Variants in ITSN1 observed in about 807,000 individuals in gnomAD.
The protein encoded by ITSN1 is intersectin 1.
A neutral mutation model predicts 239.8 loss-of-function variants in ITSN1; 58 were observed. That is an observed-to-expected ratio of 0.24 (90% confidence interval 0.20 to 0.30). The LOEUF (loss-of-function observed/expected upper bound fraction) is 0.30, where lower values mean the gene tolerates loss of function less well. Among genes scored for constraint, ITSN1 ranks in the 10% least tolerant of loss-of-function variants. The pLI, the probability that ITSN1 is intolerant of heterozygous loss-of-function variation, is 1.00. For synonymous variants in ITSN1, 780 were observed against 770.8 expected (o/e 1.01, Z -0.20); for missense variants, 1,558 against 2,103.3 (o/e 0.74, Z 5.07).
chr21:33,682,939 C>T (rs573725658), intron 1 of ITSN1, among the ~76,000 whole-genome samples: 7 of 152,194 alleles, frequency 4.6e-5, no homozygotes, highest in African/African-American at 1.7e-4. Flanking sequence ...TTGTAAAGGT[C>T]GTAGATGAAA....
chr21:33,737,324 T>C (rs2066562540), intron 5 of ITSN1, among the ~76,000 whole-genome samples: 3 of 152,168 alleles, frequency 2.0e-5, no homozygotes. Flanking sequence ...CCCATCACTC[T>C]TCCCCCCAGA....
In ITSN1 at chr21:33,836,208, G is replaced by A. The variant is rs57360787; in HGVS notation, c.3470-233G>A. ...TGCTGACAAGTAAACATGAAAAAGA[G>A]GACGATATCATAAAAACTAAAGACT... On this transcript the variant is annotated intron_variant, in intron 28 of 39. Transcript: ENST00000381318. Among the ~76,000 whole-genome samples the A allele has an allele frequency of 0.017, 2,590 of 152,240 alleles. 163 individuals carry two copies. In the East Asian group the frequency reaches 0.17, roughly 10 times the overall value.
intron 29 of ITSN1, among the ~76,000 whole-genome samples, chr21:33,855,137 C>T (rs183611319): frequency 6.6e-6 from 1 of 152,282 alleles, no homozygotes; most frequent in East Asian, 1.9e-4. Context: ...CAGTCATGAC[C>T]CCAGATAACT....
intron 4 of ITSN1, among the ~76,000 whole-genome samples, chr21:33,731,112 G>T (rs1019733256): frequency 6.6e-6 from 1 of 152,208 alleles, no homozygotes; most frequent in South Asian, 2.1e-4. Context: ...TAAATGTTGG[G>T]ATTGTCGTAT....
intron 23 of ITSN1, 75 bp downstream of exon 23, chr21:33,818,547 A>G (rs1024799081): frequency 1.6e-6 from 2 of 1,267,262 alleles, no homozygotes; most frequent in Non-Finnish European, 2.3e-6. Context: ...ACTAGTTAAG[A>G]TTCACAGACA....
intron 12 of ITSN1, among the ~76,000 whole-genome samples, chr21:33,774,165 C>T (rs748681715): frequency 3.9e-5 from 6 of 152,172 alleles, no homozygotes; most frequent in Non-Finnish European, 7.3e-5. Context: ...AGGCAATTCC[C>T]ATAGACTGTC....
intron 5 of ITSN1, among the ~76,000 whole-genome samples, chr21:33,737,520 TTTG>T (rs1361246904): frequency 3.3e-5 from 5 of 152,204 alleles, no homozygotes; most frequent in Admixed American, 2.6e-4. Flanking sequence ...TATTTTATAG[TTTG>T]TTGAGCCACT....
At position 33,774,823 on chromosome 21, in the gene ITSN1, A is replaced by G. The variant is rs1203493739; in HGVS notation, c.1400A>G (p.Asp467Gly). 1.2e-6 allele frequency: 2 copies of G among 1,613,836 alleles called. No individual in the cohort carries two copies. The highest frequency in any genetic ancestry group is 2.2e-5 in the East Asian group (1 of 44,864). The change falls in exon 13 of 40, where the codon GAC becomes GGC. Residue 467 changes from aspartate to glycine, a missense_variant. Around this residue, in one of 2 missense-constraint regions of ITSN1, gnomAD observed 982 missense variants for 1,209.9 expected, o/e 0.81. Coordinates refer to ENST00000381318, the MANE Select transcript of ITSN1 (RefSeq NM_003024.3). ...AATCAAAGAAACAAAGAACAAGAGG[A>G]CATAGTTGTACTGAAAGCAAAGAAA... ...LLNQRNKEQE[D>G]IVVLKAKKKT...
rs114031654 is a variant in ITSN1, at chr21:33,786,623, C to T, written c.1824+4490C>T. ...TGTTCCATATTTTAATGTCTTAGCT[C>T]TAAGATGGAGCAGCAGCACAAAGTA... On this transcript the variant is annotated intron_variant, in intron 16 of 39. Coordinates refer to ENST00000381318, the MANE Select transcript of ITSN1 (RefSeq NM_003024.3). Among the ~76,000 whole-genome samples the T allele has an allele frequency of 5.2e-3, 799 of 152,268 alleles. 9 individuals carry two copies. The highest frequency in any genetic ancestry group is 0.018 in the African/African-American group (761 of 41,546).
At chr21:33,887,380 A>C (rs1037950888) in intron 39 of ITSN1, among the ~76,000 whole-genome samples, 7 of 152,128 alleles carry the variant, frequency 4.6e-5, no homozygotes, top group African/African-American at 1.7e-4. Context: ...TTATAACCGA[A>C]GAAGTGAGGG....
chr21:33,849,543 G>A (rs1392892377), intron 29 of ITSN1, among the ~76,000 whole-genome samples: 9 of 144,728 alleles, frequency 6.2e-5, no homozygotes, highest in African/African-American at 2.3e-4. Flanking sequence ...TCTAGCCTGG[G>A]CAACAGAGCA....
chr21:33,887,782 A>T (rs1233420240), intron 39 of ITSN1, among the ~76,000 whole-genome samples: 1 of 151,694 alleles, frequency 6.6e-6, no homozygotes, highest in African/African-American at 2.4e-5. Context: ...ATTTTTAAAA[A>T]TTTTTTGTAG....
intron 14 of ITSN1, among the ~76,000 whole-genome samples, chr21:33,777,329 G>A (rs899198635): frequency 3.1e-5 from 3 of 96,136 alleles, no homozygotes; most frequent in Non-Finnish European, 8.2e-5. Context: ...TGATCTGTCT[G>A]TCCTTTACCA....
chr21:33,679,889 G>A (rs1003343571), intron 1 of ITSN1, among the ~76,000 whole-genome samples: 1 of 151,854 alleles, frequency 6.6e-6, no homozygotes, highest in East Asian at 1.9e-4. Flanking sequence ...TAGTAGAGAC[G>A]AGGTTTCACC....
intron 14 of ITSN1, among the ~76,000 whole-genome samples, chr21:33,778,429 T>G (rs945641473): frequency 9.2e-5 from 14 of 152,266 alleles, no homozygotes; most frequent in South Asian, 4.1e-4. Flanking sequence ...CTTGAAGACT[T>G]AATTATAAAA....
intron 29 of ITSN1, chr21:33,837,000 T>C (rs761893765): frequency 9.9e-6 from 16 of 1,613,356 alleles, no homozygotes; most frequent in Middle Eastern, 3.3e-4. Context: ...TCATATGTTG[T>C]CCATCCCCCC....
intron 1 of ITSN1, among the ~76,000 whole-genome samples, chr21:33,692,361 T>G (rs2091587582): frequency 6.6e-6 from 1 of 152,232 alleles, no homozygotes; most frequent in Admixed American, 6.5e-5. Context: ...TTTAAAGCAT[T>G]GATCATCTGG....
chr21:33,672,877 A>G (rs573573319), intron 1 of ITSN1, among the ~76,000 whole-genome samples: 6 of 152,198 alleles, frequency 3.9e-5, no homozygotes, highest in Middle Eastern at 3.4e-3. Context: ...ACGCCCTGCT[A>G]ATTTTTGTAT....
At chr21:33,726,661 A>G (rs569643521) in intron 4 of ITSN1, among the ~76,000 whole-genome samples, 1 of 151,894 alleles carries the variant, frequency 6.6e-6, no homozygotes, top group Non-Finnish European at 1.5e-5. Context: ...AGCTGAGTCT[A>G]CAGGCATACA....
Sources: allele counts gnomAD v4.1 joint callset (sites outside exome capture counted in the v4.1 genomes callset), GRCh38; gene constraint gnomAD v4.1.1; regional missense constraint gnomAD v4.1.1; transcripts MANE v1.5; gene names NCBI Gene and HGNC (gene_info 2026-07-23, HGNC 2026-07-21).